Variants in FRMD3 observed in about 807,000 individuals in gnomAD.
FRMD3 encodes FERM domain containing 3, also known as FERM domain-containing protein 3.
FRMD3 carries 33 observed loss-of-function variants against 70.2 expected under a neutral mutation model. The observed-to-expected ratio is 0.47, with a 90% CI of 0.36 to 0.63. FRMD3 has a LOEUF of 0.63. FRMD3 is among the 20% of genes least tolerant of loss of function. The pLI is 0.00. For missense variants in FRMD3, 632 were observed against 711.4 expected, an observed-to-expected ratio of 0.89 and a Z score of 1.27; for synonymous variants, 279 against 255.9, an observed-to-expected ratio of 1.09 and a Z score of -0.86.
At chr9:83,489,826 A>T (rs1306124948) in intron 1 of FRMD3, among the ~76,000 whole-genome samples, 1 of 152,222 alleles carries the variant, frequency 6.6e-6, no homozygotes, top group Non-Finnish European at 1.5e-5. Context: ...TAATTCACTA[A>T]GCAAAATCTC....
the FRMD3 span, among the ~76,000 whole-genome samples, chr9:83,583,612 GA>G: frequency 6.6e-6 from 1 of 151,528 alleles, no homozygotes; most frequent in Non-Finnish European, 1.5e-5. Flanking sequence ...ATCCCTTGTT[GA>G]AAAAAAAATT....
At chr9:83,565,446 G>C in the FRMD3 span, among the ~76,000 whole-genome samples, 1 of 152,200 alleles carries the variant, frequency 6.6e-6, no homozygotes, top group African/African-American at 2.4e-5. Flanking sequence ...GAAACATAAG[G>C]AAGCCAATTT....
intron 1 of FRMD3, among the ~76,000 whole-genome samples, chr9:83,471,403 T>C (rs1398142403): frequency 6.6e-6 from 1 of 152,174 alleles, no homozygotes; most frequent in African/African-American, 2.4e-5. Flanking sequence ...CGTTACACAA[T>C]AATGCTCAGC....
chr9:83,257,525 G>GA (rs972264987), intron 13 of FRMD3, among the ~76,000 whole-genome samples: 2 of 151,392 alleles, frequency 1.3e-5, no homozygotes, highest in African/African-American at 4.9e-5. Flanking sequence ...AGTTGAGGGG[G>GA]AAAAAAAATC....
the FRMD3 span, among the ~76,000 whole-genome samples, chr9:83,583,854 C>T: frequency 6.6e-6 from 1 of 152,182 alleles, no homozygotes; most frequent in Non-Finnish European, 1.5e-5. Flanking sequence ...GGTAATCTTC[C>T]TGCCTCTGAA....
chr9:83,479,988 T>C lies in FRMD3; in HGVS notation c.147+58097A>G, dbSNP rs188984101. ...TCGATCCACAGGATCTTTTACATGC[T>C]TCTGGTAAGCATATAAATTAGTGCA... On this transcript the variant is annotated intron_variant, in intron 1 of 13. Transcript: ENST00000304195. 2.8e-3 allele frequency among the ~76,000 whole-genome samples: 423 copies of C among 152,324 alleles called. 2 individuals carry two copies. Among genetic ancestry groups the C allele is most frequent in the African/African-American group, 9.3e-3 (386 of 41,576 alleles).
intron 1 of FRMD3, among the ~76,000 whole-genome samples, chr9:83,503,000 T>C (rs1378480883): frequency 6.6e-6 from 1 of 152,166 alleles, no homozygotes; most frequent in East Asian, 1.9e-4. Context: ...ACTGATTTAC[T>C]TTGGTAATTA....
intron 1 of FRMD3, among the ~76,000 whole-genome samples, chr9:83,488,972 T>TTGTGTGTGTGTGTGTGTGTGTGTG (rs4014025): frequency 9.6e-5 from 13 of 135,626 alleles, no homozygotes; most frequent in South Asian, 2.5e-4. Context: ...CCCTATACCT[T>TTGTGTGTGTGTGTGTGTGTGTGTG]TGTGTGTGTG....
At chr9:83,461,128 T>A (rs1827958646) in intron 1 of FRMD3, among the ~76,000 whole-genome samples, 1 of 152,148 alleles carries the variant, frequency 6.6e-6, no homozygotes, top group Non-Finnish European at 1.5e-5. Flanking sequence ...GCAGCTGGGA[T>A]TAAAGTTACT....
At chr9:83,301,630 GGT>G (rs1328184725) in intron 10 of FRMD3, among the ~76,000 whole-genome samples, 14 of 152,236 alleles carry the variant, frequency 9.2e-5, no homozygotes, top group African/African-American at 3.4e-4. Context: ...AGCCGGCGCA[GGT>G]GTGAGTCAAC....
intron 1 of FRMD3, among the ~76,000 whole-genome samples, chr9:83,447,576 G>T (rs1353781086): frequency 6.6e-6 from 1 of 152,234 alleles, no homozygotes; most frequent in Non-Finnish European, 1.5e-5. Context: ...GAGGGGACCT[G>T]CAGTCAGAAT....
At chr9:83,273,510 C>T (rs1833683845) in intron 13 of FRMD3, among the ~76,000 whole-genome samples, 1 of 151,514 alleles carries the variant, frequency 6.6e-6, no homozygotes, top group African/African-American at 2.4e-5. Flanking sequence ...CCGCAGGGTC[C>T]TCTGCCTAGG....
chr9:83,490,306 T>G (rs941100773), intron 1 of FRMD3, among the ~76,000 whole-genome samples: 20 of 152,028 alleles, frequency 1.3e-4, no homozygotes, highest in East Asian at 2.0e-4. Context: ...TTTTTATTTT[T>G]GGGGACAGAG....
intron 13 of FRMD3, among the ~76,000 whole-genome samples, chr9:83,284,706 ATGG>A (rs1834117693): frequency 6.6e-6 from 1 of 152,236 alleles, no homozygotes; most frequent in Non-Finnish European, 1.5e-5. Context: ...CTGGGGGAAA[ATGG>A]TGGGAAGAAA....
rs559840723 is a variant in FRMD3 at position 83,340,715 on chromosome 9, C to T, written c.472+2475G>A. Among the ~76,000 whole-genome samples the T allele has an allele frequency of 2.1e-4, 32 of 152,266 alleles. 1 individual carries two copies. The South Asian group carries it at 5.8e-3, about 28-fold the overall frequency. On this transcript the variant is annotated intron_variant, in intron 5 of 13. Coordinates refer to ENST00000304195, the MANE Select transcript of FRMD3 (RefSeq NM_174938.6). ...ATGCATTGCATGTCTTAAATATGCTCGTTGGATTCAGTATGTACAGGCAGC... is the reference window on the plus strand; with the variant it reads ...ATGCATTGCATGTCTTAAATATGCTTGTTGGATTCAGTATGTACAGGCAGC...
intron 1 of FRMD3, among the ~76,000 whole-genome samples, chr9:83,425,660 CTA>C (rs1564071372): frequency 6.6e-6 from 1 of 152,154 alleles, no homozygotes; most frequent in African/African-American, 2.4e-5. Flanking sequence ...AATCCCCACA[CTA>C]TGGGAGGCCG....
chr9:83,557,597 A>T, the FRMD3 span, among the ~76,000 whole-genome samples: 1 of 152,262 alleles, frequency 6.6e-6, no homozygotes, highest in East Asian at 1.9e-4. Context: ...TCAGAAGATT[A>T]TCAATTGATT....
At chr9:83,330,702 C>T (rs1471846190) in intron 6 of FRMD3, among the ~76,000 whole-genome samples, 1 of 152,204 alleles carries the variant, frequency 6.6e-6, no homozygotes, top group East Asian at 1.9e-4. Context: ...TAAGAATTGT[C>T]TATATCTGCT....
In FRMD3 at chr9:83,247,979, G is replaced by A; in HGVS notation, c.1733C>T (p.Pro578Leu). ...TTTCCCAGCCACCCACTCCTTGAGG[G>A]GACAGTAGTATTCATAGTGAAACTG... ...FEQFHYEYYC[P>L]LKEWVAGKVH... Residue 578 changes from proline (P) to leucine (L), a missense_variant, in exon 14 of 14, where the codon CCC (proline) becomes CTC (leucine). Transcript: ENST00000304195. 1 of 1,614,148 alleles carries A rather than the reference G, an allele frequency of 6.2e-7. No homozygotes were observed. Among genetic ancestry groups the A allele is most frequent in the Non-Finnish European group, 8.5e-7 (1 of 1,180,030 alleles).
Sources: gnomAD v4.1 joint callset for allele counts (sites outside exome capture counted in the v4.1 genomes callset) on GRCh38, gnomAD v4.1.1 for gene constraint, MANE v1.5 for transcripts, NCBI Gene and HGNC (gene_info 2026-07-23, HGNC 2026-07-21) for gene names.